The following SYNE2 variants were observed in gnomAD, a reference collection of about 807,000 sequenced individuals.
SYNE2 encodes the protein spectrin repeat containing nuclear envelope protein 2.
A neutral mutation model predicts 856.3 loss-of-function variants in SYNE2; 431 were observed. The observed-to-expected ratio is 0.50, with a 90% CI of 0.47 to 0.55. The LOEUF is 0.55. Among genes scored for constraint, SYNE2 ranks in the 20% least tolerant of loss-of-function variants. SYNE2 has a pLI of 0.00. For missense variants in SYNE2, 8,129 were observed against 8,023.2 expected, an observed-to-expected ratio of 1.01 and a Z score of -0.50; for synonymous variants, 2,923 against 2,872.3, an observed-to-expected ratio of 1.02 and a Z score of -0.56.
chr14:64,141,624 C>T (rs2098139789), intron 81 of SYNE2, 101 bp downstream of exon 81: 19 of 1,265,024 alleles, frequency 1.5e-5, no homozygotes, highest in South Asian at 2.5e-5. Flanking sequence ...TTGACACTAC[C>T]TATTTTTCTC....
At chr14:63,947,005 A>G (rs980074100) in intron 6 of SYNE2, among the ~76,000 whole-genome samples, 30 of 152,192 alleles carry the variant, frequency 2.0e-4, no homozygotes, top group African/African-American at 7.0e-4. Flanking sequence ...GTACACCACC[A>G]TGTCTAGCTA....
intron 45 of SYNE2, among the ~76,000 whole-genome samples, chr14:64,047,612 C>G (rs1284858661): frequency 6.6e-6 from 1 of 152,214 alleles, no homozygotes; most frequent in African/African-American, 2.4e-5. Context: ...GGTGTTACCT[C>G]CATATGGCCA....
intron 63 of SYNE2, among the ~76,000 whole-genome samples, chr14:64,100,531 A>AAAAAAAAAATATAT (rs1491537041): frequency 5.1e-5 from 2 of 39,480 alleles, no homozygotes; most frequent in African/African-American, 9.2e-5. Flanking sequence ...AAAAAAAAAA[A>AAAAAAAAAATATAT]ATATATATAT....
intron 2 of SYNE2, among the ~76,000 whole-genome samples, chr14:63,933,073 A>G (rs1243885853): frequency 6.6e-6 from 1 of 152,254 alleles, no homozygotes; most frequent in Non-Finnish European, 1.5e-5. Flanking sequence ...GGCCACATGC[A>G]GTAAACCTGT....
intron 89 of SYNE2, among the ~76,000 whole-genome samples, chr14:64,164,241 C>G (rs1415026886): frequency 6.6e-6 from 1 of 152,112 alleles, no homozygotes; most frequent in Non-Finnish European, 1.5e-5. Context: ...TCCCGAGTAG[C>G]TGGGACTACA....
At chr14:63,823,182 C>A (rs1241458126) in intron 1 of SYNE2, among the ~76,000 whole-genome samples, 3 of 144,372 alleles carry the variant, frequency 2.1e-5, no homozygotes, top group Non-Finnish European at 4.6e-5. Flanking sequence ...TCTACCAAAT[C>A]TTTTTTTTTT....
intron 1 of SYNE2, among the ~76,000 whole-genome samples, chr14:63,875,056 T>A (rs1330561355): frequency 2.0e-5 from 3 of 151,054 alleles, no homozygotes; most frequent in African/African-American, 7.3e-5. Flanking sequence ...TTTTTTTTTT[T>A]AAATGGGGTG....
chr14:63,781,530 G>C (rs1245633028), intron 1 of SYNE2, among the ~76,000 whole-genome samples: 1 of 151,550 alleles, frequency 6.6e-6, no homozygotes. Flanking sequence ...TGTCGCCCAG[G>C]CTGGAGTGCA....
At position 64,025,120 on chromosome 14, in the gene SYNE2, G is replaced by A; in HGVS notation, c.5961-10G>A. The A allele has an allele frequency of 6.2e-7, 1 of 1,614,024 alleles. No individual in the cohort carries two copies. The highest frequency in any genetic ancestry group is 8.5e-7 in the Non-Finnish European group (1 of 1,179,976). ...TCCTATAAACTTTAAGTGGTATTTG[G>A]AATTTACAGGGAACAGTTTGAATCT... On this transcript the variant is annotated splice_polypyrimidine_tract_variant and intron_variant, in intron 40 of 115. Coordinates refer to ENST00000555002, the MANE Select transcript of SYNE2 (RefSeq NM_182914.3).
At chr14:63,900,304 G>A (rs1221807668) in intron 1 of SYNE2, among the ~76,000 whole-genome samples, 2 of 152,202 alleles carry the variant, frequency 1.3e-5, no homozygotes, top group Non-Finnish European at 2.9e-5. Context: ...TGCTGATAAA[G>A]ACATACTTGA....
chr14:63,805,858 G>T (rs1888343235), intron 1 of SYNE2, among the ~76,000 whole-genome samples: 1 of 152,146 alleles, frequency 6.6e-6, no homozygotes, highest in African/African-American at 2.4e-5. Flanking sequence ...TGAAGTTGTC[G>T]ATCAGATCTA....
chr14:63,887,914 G>A (rs759467057), intron 1 of SYNE2, among the ~76,000 whole-genome samples: 10 of 151,792 alleles, frequency 6.6e-5, no homozygotes, highest in Non-Finnish European at 8.8e-5. Context: ...CACCATGCCC[G>A]GCTAACTTTT....
intron 1 of SYNE2, among the ~76,000 whole-genome samples, chr14:63,771,271 C>T (rs1485407598): frequency 6.6e-6 from 1 of 151,626 alleles, no homozygotes; most frequent in Non-Finnish European, 1.5e-5. Flanking sequence ...GGGGTTTCAC[C>T]GTGTTAGCCA....
intron 61 of SYNE2, among the ~76,000 whole-genome samples, chr14:64,094,213 A>C (rs1035422017): frequency 6.6e-6 from 1 of 151,970 alleles, no homozygotes; most frequent in African/African-American, 2.4e-5. Context: ...GGGCGCCTGT[A>C]GTCCCAGCTA....
intron 1 of SYNE2, among the ~76,000 whole-genome samples, chr14:63,842,320 T>G (rs1004844029): frequency 6.6e-6 from 1 of 151,818 alleles, no homozygotes; most frequent in Non-Finnish European, 1.5e-5. Flanking sequence ...CACAGGCTAA[T>G]TTTGTATTTT....
chr14:64,002,508 A>C (rs1251300980), intron 29 of SYNE2, among the ~76,000 whole-genome samples: 1 of 152,230 alleles, frequency 6.6e-6, no homozygotes, highest in Non-Finnish European at 1.5e-5. Flanking sequence ...CAATAGATTT[A>C]TGTGCTTGTT....
intron 35 of SYNE2, among the ~76,000 whole-genome samples, chr14:64,020,532 A>T (rs1179834120): frequency 6.6e-6 from 1 of 152,222 alleles, no homozygotes; most frequent in East Asian, 1.9e-4. Flanking sequence ...TTCCATATTT[A>T]GCGTCAATGA....
Position 64,051,941 on chromosome 14 carries a change from G to A in SYNE2, c.8028G>A (p.Lys2676=). 1 of 1,613,850 alleles carries A rather than the reference G, an allele frequency of 6.2e-7. No homozygotes were observed. Among genetic ancestry groups the A allele is most frequent in the Non-Finnish European group, 8.5e-7 (1 of 1,180,040 alleles). Residue 2676 remains lysine, a synonymous_variant, in exon 48 of 116, where the codon AAG becomes AAA. Transcript: ENST00000555002. ...TGACCACTGACCTCCAGGCTACCAA[G>A]CATGGATTTTCTGTTTTAAAGGGGC... The part of the protein sequence containing the change: ...IALTTDLQAT[K]HGFSVLKGQA...
chr14:63,852,908 C>G (rs1307298403), upstream of SYNE2: 2 of 151,830 alleles, frequency 1.3e-5, no homozygotes, highest in East Asian at 1.9e-4. Context: ...CACTGGCCGC[C>G]GAGGGGCGAG....
Sources: gnomAD v4.1 joint callset for allele counts (sites outside exome capture counted in the v4.1 genomes callset) on GRCh38, gnomAD v4.1.1 for gene constraint, MANE v1.5 for transcripts, NCBI Gene and HGNC (gene_info 2026-07-23, HGNC 2026-07-21) for gene names.